The following GPR158 variants were observed in gnomAD, a reference collection of about 807,000 sequenced individuals.
GPR158 encodes the protein metabotropic glycine receptor.
In GPR158, 30 loss-of-function variants were observed where a neutral mutation model predicts 78.2. The observed-to-expected ratio is 0.38, with a 90% CI of 0.29 to 0.52. The LOEUF (loss-of-function observed/expected upper bound fraction) is 0.52. Among genes scored for constraint, GPR158 ranks in the 20% least tolerant of loss-of-function variants. The pLI, the probability that GPR158 is intolerant of heterozygous loss-of-function variation, is 0.83. For synonymous variants in GPR158, 581 were observed against 591.1 expected, an observed-to-expected ratio of 0.98 and a Z score of 0.25; for missense variants, 1,463 against 1,523.5, an observed-to-expected ratio of 0.96 and a Z score of 0.66.
intron 1 of GPR158, among the ~76,000 whole-genome samples, chr10:25,216,547 G>T (rs1007062618): frequency 2.0e-5 from 3 of 152,066 alleles, no homozygotes; most frequent in African/African-American, 7.3e-5. Context: ...AATTTTGGGT[G>T]TGGGCTGATT....
At chr10:25,229,453 A>G (rs1483761713) in intron 2 of GPR158, among the ~76,000 whole-genome samples, 1 of 152,230 alleles carries the variant, frequency 6.6e-6, no homozygotes, top group Non-Finnish European at 1.5e-5. Context: ...TTTTAACACT[A>G]ACGATGGCTG....
At chr10:25,402,404 G>C (rs1834459673) in intron 3 of GPR158, among the ~76,000 whole-genome samples, 2 of 151,998 alleles carry the variant, frequency 1.3e-5, no homozygotes, top group South Asian at 4.2e-4. Context: ...CATTATTCTG[G>C]CAATTGATGA....
chr10:25,319,606 T>G (rs1022712638), intron 2 of GPR158, among the ~76,000 whole-genome samples: 2 of 152,178 alleles, frequency 1.3e-5, no homozygotes, highest in Non-Finnish European at 2.9e-5. Context: ...GGAACCTTAT[T>G]TGCTGCCAGC....
chr10:25,219,343 G>A (rs1047069226), intron 1 of GPR158, among the ~76,000 whole-genome samples: 1 of 152,156 alleles, frequency 6.6e-6, no homozygotes. Context: ...CATACCAGAC[G>A]ATAAAAATTT....
intron 2 of GPR158, among the ~76,000 whole-genome samples, chr10:25,307,409 G>C (rs1854694450): frequency 7.4e-6 from 1 of 135,266 alleles, no homozygotes; most frequent in South Asian, 2.3e-4. Flanking sequence ...TTTAAGACAA[G>C]GTCTTACTCT....
intron 6 of GPR158, among the ~76,000 whole-genome samples, chr10:25,561,116 A>T (rs996693482): frequency 2.6e-5 from 4 of 152,164 alleles, no homozygotes; most frequent in Admixed American, 1.3e-4. Flanking sequence ...GCAATTAGTG[A>T]TGTTTCCCTT....
chr10:25,298,138 T>G (rs1854542081), intron 2 of GPR158, among the ~76,000 whole-genome samples: 1 of 152,226 alleles, frequency 6.6e-6, no homozygotes, highest in Non-Finnish European at 1.5e-5. Context: ...ATAGGTTACT[T>G]CCACTTTGAG....
At chr10:25,584,557 A>G (rs370225483) in intron 7 of GPR158, among the ~76,000 whole-genome samples, 1 of 152,350 alleles carries the variant, frequency 6.6e-6, no homozygotes, top group South Asian at 2.1e-4. Context: ...AATCTTCAGT[A>G]TAACATTATG....
intron 2 of GPR158, among the ~76,000 whole-genome samples, chr10:25,301,457 A>G (rs1219883294): frequency 1.3e-5 from 2 of 152,200 alleles, no homozygotes; most frequent in Non-Finnish European, 2.9e-5. Flanking sequence ...TCCAAAATAG[A>G]GATTTTCAGG....
At chr10:25,268,074 A>C (rs1854066262) in intron 2 of GPR158, among the ~76,000 whole-genome samples, 1 of 152,144 alleles carries the variant, frequency 6.6e-6, no homozygotes, top group Non-Finnish European at 1.5e-5. Flanking sequence ...AGTAACCTTA[A>C]GTGGAATGCA....
intron 2 of GPR158, among the ~76,000 whole-genome samples, chr10:25,326,262 A>T (rs1855030677): frequency 6.6e-6 from 1 of 152,206 alleles, no homozygotes; most frequent in African/African-American, 2.4e-5. Context: ...AGCTCCATCC[A>T]TGTCCCTGCA....
chr10:25,281,720 G>C (rs1197005089), intron 2 of GPR158, among the ~76,000 whole-genome samples: 1 of 152,066 alleles, frequency 6.6e-6, no homozygotes, highest in Non-Finnish European at 1.5e-5. Context: ...AAGAAGCTTA[G>C]AAAAGAGTAG....
chr10:25,388,215 G>A lies in GPR158; in HGVS notation c.1009-7696G>A, dbSNP rs181124392. Among the ~76,000 whole-genome samples the A allele has an allele frequency of 3.9e-4, 59 of 152,310 alleles. No homozygotes were observed. In the East Asian group the frequency reaches 8.1e-3, roughly 21 times the overall value. ...CCTTATTCAGGGGTACAATAATGAC[G>A]GCAATCGTGGGCCATCCAGAGCAGC... On this transcript the variant is annotated intron_variant, in intron 2 of 10. Coordinates refer to ENST00000376351, the MANE Select transcript of GPR158 (RefSeq NM_020752.3).
At chr10:25,378,798 T>C (rs960961717) in intron 2 of GPR158, among the ~76,000 whole-genome samples, 36 of 152,242 alleles carry the variant, frequency 2.4e-4, no homozygotes, top group African/African-American at 6.5e-4. Flanking sequence ...TTTTTATTTT[T>C]ATTTTTGTTT....
chr10:25,365,793 G>C (rs779523112), intron 2 of GPR158, among the ~76,000 whole-genome samples: 12 of 151,516 alleles, frequency 7.9e-5, no homozygotes, highest in Non-Finnish European at 1.3e-4. Context: ...TAAGTATACA[G>C]CACAATGAAT....
At chr10:25,309,215 CTGTGTG>C (rs111485518) in intron 2 of GPR158, among the ~76,000 whole-genome samples, 1 of 150,458 alleles carries the variant, frequency 6.6e-6, no homozygotes. Flanking sequence ...TTGTTATTTT[CTGTGTG>C]TGTGTGTGTG....
At chr10:25,444,356 ATGCG>A (rs750427299) in intron 4 of GPR158, among the ~76,000 whole-genome samples, 1 of 150,894 alleles carries the variant, frequency 6.6e-6, no homozygotes, top group Non-Finnish European at 1.5e-5. Flanking sequence ...GTGGAAGTGT[ATGCG>A]TGCGGTAGTT....
chr10:25,498,472 C>G (rs892358391), intron 5 of GPR158, among the ~76,000 whole-genome samples: 1 of 152,166 alleles, frequency 6.6e-6, no homozygotes, highest in Non-Finnish European at 1.5e-5. Flanking sequence ...GGGATACTTA[C>G]TGTGATTGGT....
intron 2 of GPR158, among the ~76,000 whole-genome samples, chr10:25,264,879 T>G (rs1440902786): frequency 6.6e-6 from 1 of 152,192 alleles, no homozygotes; most frequent in Non-Finnish European, 1.5e-5. Flanking sequence ...GAATTGATAC[T>G]CTGCGAACTA....
Sources: gnomAD v4.1 joint callset for allele counts (sites outside exome capture counted in the v4.1 genomes callset) on GRCh38, gnomAD v4.1.1 for gene constraint, MANE v1.5 for transcripts, NCBI Gene and HGNC (gene_info 2026-07-23, HGNC 2026-07-21) for gene names.